The following P2RX5 variants were observed in gnomAD, a reference collection of about 807,000 sequenced individuals.
P2RX5 encodes P2X purinoceptor 5.
P2RX5 carries 46 observed loss-of-function variants against 54.1 expected under a neutral mutation model. That is an observed-to-expected ratio of 0.85 (90% CI 0.67 to 1.09). P2RX5 has a LOEUF of 1.09. Among genes scored for constraint, P2RX5 ranks in the 50% least tolerant of loss-of-function variants. P2RX5 has a pLI of 0.00. For missense variants in P2RX5, 566 were observed against 549.8 expected (o/e 1.03, Z -0.29); for synonymous variants, 226 against 226.4 (o/e 1.00, Z 0.02).
chr17:3,682,031 C>T (rs2050299114), intron 9 of P2RX5, 53 bp from the exon 10 acceptor site: 2 of 1,262,124 alleles, frequency 1.6e-6, no homozygotes, highest in Non-Finnish European at 2.3e-6. Flanking sequence ...GAGCACTGTT[C>T]ATTTAGGGCA....
Position 3,691,734 on chromosome 17 carries a change from G to A in P2RX5, c.198C>T (p.Val66=). ...AGGCCACGCCCTTGACTTTGGTGATGACAGCACTCTGCAGGGAGGTGTCGA... is the reference window on the plus strand; with the variant it reads ...AGGCCACGCCCTTGACTTTGGTGATAACAGCACTCTGCAGGGAGGTGTCGA... The part of the protein sequence containing the change: ...QDVDTSLQSA[V]ITKVKGVAFT... Residue 66 remains valine (V), a synonymous_variant, in exon 2 of 12, where the codon GTC becomes GTT. Transcript: ENST00000225328. 4 of 1,614,224 alleles carry A rather than the reference G, an allele frequency of 2.5e-6. No homozygotes were observed. In the South Asian group the frequency reaches 3.3e-5, roughly 13 times the overall value.
intron 9 of P2RX5, among the ~76,000 whole-genome samples, chr17:3,685,110 A>G (rs1461978930): frequency 2.6e-5 from 4 of 151,688 alleles, no homozygotes; most frequent in Non-Finnish European, 4.4e-5. Context: ...CTCCCAAAGC[A>G]CTGGGATTAC....
At chr17:3,702,036 C>G in the P2RX5 span, among the ~76,000 whole-genome samples, 513 of 152,282 alleles carry the variant, frequency 3.4e-3, 2 homozygotes, top group African/African-American at 0.012. Flanking sequence ...ACCTGGGCCT[C>G]CCAAAGTGCT....
At position 3,675,896 on chromosome 17, in the gene P2RX5, G is replaced by T. The variant is rs754986205; in HGVS notation, c.1260-2019C>A. On this transcript the variant is annotated intron_variant, in intron 11 of 11. Transcript: ENST00000225328. ...AGAGAGCAGTATAGGCTTGTTGCAG[G>T]TTCCCTTCCCAGAAAACCCAAAGCG... 17 of 985,206 alleles carry T rather than the reference G, an allele frequency of 1.7e-5. No individual in the cohort carries two copies. In the African/African-American group the frequency reaches 1.9e-4, roughly 11 times the overall value. 61.0% of individuals were successfully genotyped at this position (985,206 alleles called of 1,614,324 possible). A position where few individuals can be genotyped will look rare whatever the true frequency, so the allele number is the denominator to read the frequency against.
chr17:3,720,965 G>A, the P2RX5 span, among the ~76,000 whole-genome samples: 1 of 152,090 alleles, frequency 6.6e-6, no homozygotes, highest in African/African-American at 2.4e-5. Flanking sequence ...ATCTCGCTCT[G>A]TCACCCATGC....
At chr17:3,710,378 G>T in the P2RX5 span, among the ~76,000 whole-genome samples, 1 of 151,792 alleles carries the variant, frequency 6.6e-6, no homozygotes, top group African/African-American at 2.4e-5. Context: ...AGTGAGCCGA[G>T]ATCATGCTAC....
intron 11 of P2RX5, among the ~76,000 whole-genome samples, chr17:3,674,255 G>A (rs2050049697): frequency 1.3e-5 from 2 of 151,788 alleles, no homozygotes; most frequent in Non-Finnish European, 2.9e-5. Flanking sequence ...AGCTTGCAGT[G>A]AGCCGAGATC....
chr17:3,712,428 C>CGG, the P2RX5 span, among the ~76,000 whole-genome samples: 1 of 152,100 alleles, frequency 6.6e-6, no homozygotes, highest in Non-Finnish European at 1.5e-5. Context: ...GCAGAGCAGC[C>CGG]GGGGCTGGGA....
intron 2 of P2RX5, 141 bp from the exon 3 acceptor site, chr17:3,691,168 A>T (rs371338087): frequency 2.9e-6 from 2 of 684,980 alleles, no homozygotes; most frequent in Non-Finnish European, 5.3e-6. Flanking sequence ...TACTCTGCCC[A>T]TCTGCTCATG....
intron 9 of P2RX5, chr17:3,682,185 T>A (rs2050302883): frequency 1.7e-6 from 1 of 605,040 alleles, no homozygotes; most frequent in African/African-American, 1.8e-5. Flanking sequence ...GGACTGGAGC[T>A]CCCCCGATCC....
chr17:3,673,279 T>A lies in P2RX5; in HGVS notation c.*589A>T, dbSNP rs2142993391. On this transcript the variant is annotated 3_prime_UTR_variant, in exon 12 of 12. Coordinates refer to ENST00000225328, the MANE Select transcript of P2RX5 (RefSeq NM_002561.4). ...ATGACCAAATAAGAGTGTCAGAGAA[T>A]ACATATCTTGGGCAGGTCCCAGAAA... The A allele has an allele frequency of 1.0e-6, 1 of 991,774 alleles. No individual in the cohort carries two copies. Among genetic ancestry groups the A allele is most frequent in the East Asian group, 1.1e-4 (1 of 9,024 alleles). The allele number at this position is 991,774 out of a possible 1,614,324, so 61.4% of individuals were successfully genotyped here. A position where few individuals can be genotyped will look rare whatever the true frequency, so the allele number is the denominator to read the frequency against.
the P2RX5 span, among the ~76,000 whole-genome samples, chr17:3,701,828 T>C: frequency 6.9e-6 from 1 of 144,936 alleles, no homozygotes; most frequent in South Asian, 2.3e-4. Context: ...CAATCTCAGC[T>C]CACTGCAACC....
rs1206580750 is a variant in P2RX5 at position 3,673,550 on chromosome 17, G to A, written c.*318C>T. ...GGGCACTGCGGTCCTTAGCTGAGGT[G>A]CTCAAGGACTCCGGAAGGAAGTCAT... On this transcript the variant is annotated 3_prime_UTR_variant, in exon 12 of 12. Coordinates refer to ENST00000225328, the MANE Select transcript of P2RX5 (RefSeq NM_002561.4). 3 of 1,329,872 alleles carry A rather than the reference G, an allele frequency of 2.3e-6. No individual in the cohort carries two copies. The highest frequency in any genetic ancestry group is 3.2e-5 in the Admixed American group (1 of 31,718). 82.4% of individuals were successfully genotyped at this position (1,329,872 alleles called of 1,614,324 possible).
Position 3,691,013 on chromosome 17 carries a change from A to G in P2RX5, c.303T>C (p.Phe101=). ...YVIPAQGENV[F]FVVTNLIVTP... is the part of the protein sequence containing the mutation. ...TCACAATCAGGTTGGTGACCACAAA[A>G]AAGACGTTCTCTCCCTAAGGAACCA... The change falls in exon 3 of 12, where the codon TTT becomes TTC. Residue 101 remains phenylalanine, a synonymous_variant. Coordinates refer to ENST00000225328, the MANE Select transcript of P2RX5 (RefSeq NM_002561.4). 6.2e-7 allele frequency: 1 copy of G among 1,612,806 alleles called. No individual in the cohort carries two copies. The highest frequency in any genetic ancestry group is 8.5e-7 in the Non-Finnish European group (1 of 1,179,550).
At position 3,690,622 on chromosome 17, in the gene P2RX5, G is replaced by A. The variant is rs768985588; in HGVS notation, c.419C>T (p.Ala140Val). Residue 140 changes from alanine (A) to valine (V), a missense_variant, in exon 4 of 12, where the codon GCG (alanine) becomes GTG (valine). Physicochemically the swap from Ala to Val is moderately conservative, Grantham distance 64 (BLOSUM62 0). Transcript: ENST00000225328. The stretch of plus-strand genomic sequence containing the variant: ...GCCCTCACCGTTTCCAGCTGTAACC[G>A]CTTCCCCAGCGTGGCAGTCGCTGTC... ...SKDSDCHAGE[A>V]VTAGNGVKTG... 2.0e-5 allele frequency: 33 copies of A among 1,613,408 alleles called. No individual in the cohort carries two copies. Among genetic ancestry groups the A allele is most frequent in the Admixed American group, 3.3e-5 (2 of 60,004 alleles).
At chr17:3,720,342 A>G in the P2RX5 span, 2 of 1,591,266 alleles carry the variant, frequency 1.3e-6, no homozygotes, top group East Asian at 4.5e-5. Flanking sequence ...AGTCCCTCAT[A>G]TAGAGATTTG....
Position 3,673,650 on chromosome 17 carries a change from G to T in P2RX5, c.*218C>A, listed in dbSNP as rs1047337749. On this transcript the variant is annotated 3_prime_UTR_variant, in exon 12 of 12. Coordinates refer to ENST00000225328, the MANE Select transcript of P2RX5 (RefSeq NM_002561.4). ...AAGGAAGAACTGACGGCAGGGGGTG[G>T]GGCAAAAAGACAGCCATGATGGGTC... The T allele has an allele frequency of 4.9e-6, 7 of 1,442,256 alleles. No individual in the cohort carries two copies. The African/African-American group carries it at 8.6e-5, about 18-fold the overall frequency. 89.3% of individuals were successfully genotyped at this position (1,442,256 alleles called of 1,614,324 possible). A position where few individuals can be genotyped will look rare whatever the true frequency, so the allele number is the denominator to read the frequency against.
chr17:3,723,023 A>C, the P2RX5 span, among the ~76,000 whole-genome samples: 1 of 152,204 alleles, frequency 6.6e-6, no homozygotes, highest in South Asian at 2.1e-4. Flanking sequence ...TTGGCCCTGA[A>C]ATGGCAGGGC....
chr17:3,676,103 G>A, intron 11 of P2RX5: 1 of 985,478 alleles, frequency 1.0e-6, no homozygotes, highest in East Asian at 1.1e-4. Flanking sequence ...GGGACTGGTT[G>A]AGTGAGGGCG....
Sources: gnomAD v4.1 joint callset for allele counts (sites outside exome capture counted in the v4.1 genomes callset) on GRCh38, gnomAD v4.1.1 for gene constraint, MANE v1.5 for transcripts, NCBI Gene and HGNC (gene_info 2026-07-23, HGNC 2026-07-21) for gene names.